LEMD1: variants seen among roughly 807,000 people sequenced by gnomAD.
The protein encoded by LEMD1 is LEM domain-containing protein 1.
Under a neutral mutation model 17.4 loss-of-function variants are expected in LEMD1, and 18 were observed. The ratio of observed to expected loss-of-function variants is 1.04; its 90% CI spans 0.72 to 1.54. The LOEUF is 1.54. Ranked by LOEUF, LEMD1 falls within the 40% of genes most tolerant of loss-of-function variation. The probability of loss-of-function intolerance (pLI) is 0.00; values close to 1 mark genes in which losing one functional copy is unlikely to be tolerated. For missense variants in LEMD1, 195 were observed against 210.4 expected (o/e 0.93, Z 0.45); for synonymous variants, 88 against 77.8 (o/e 1.13, Z -0.69).
At chr1:205,381,974 G>A (rs991003016) in intron 5 of LEMD1, 118 bp from the exon 6 acceptor site, 6 of 886,512 alleles carry the variant, frequency 6.8e-6, no homozygotes, top group Non-Finnish European at 7.3e-6. Flanking sequence ...TTTAGAGGTA[G>A]CCTCTCCTTA....
chr1:205,412,313 T>C (rs1665489109), intron 4 of LEMD1, among the ~76,000 whole-genome samples: 1 of 151,932 alleles, frequency 6.6e-6, no homozygotes, highest in Admixed American at 6.6e-5. Flanking sequence ...GTCTTTCTGA[T>C]GGAAAAAATC....
At chr1:205,423,238 T>C (rs961859637), upstream of LEMD1, among the ~76,000 whole-genome samples, 2 of 152,226 alleles carry the variant, frequency 1.3e-5, no homozygotes, top group Non-Finnish European at 2.9e-5. Flanking sequence ...CTCCACAGTT[T>C]CTGAATAGAG....
chr1:205,419,202 C>T (rs1297316616), intron 3 of LEMD1, 28 bp downstream of exon 3: 1 of 1,609,276 alleles, frequency 6.2e-7, no homozygotes, highest in East Asian at 2.2e-5. Context: ...GCAAAGTTGC[C>T]ATCTAGCAGT....
At chr1:205,437,108 T>C (rs1172664637) in intron 1 of LEMD1, 1 of 152,512 alleles carries the variant, frequency 6.6e-6, no homozygotes, top group Non-Finnish European at 1.5e-5. Context: ...AAAATGCATA[T>C]TCAGTCTGTA....
chr1:205,387,490 T>C (rs1306225109), intron 4 of LEMD1: 1 of 152,214 alleles, frequency 6.6e-6, no homozygotes, highest in Non-Finnish European at 1.5e-5. Context: ...AAAAATTCCA[T>C]TAATGCTGTT....
chr1:205,389,695 T>G (rs1489758983), intron 4 of LEMD1, among the ~76,000 whole-genome samples: 1 of 152,238 alleles, frequency 6.6e-6, no homozygotes, highest in Non-Finnish European at 1.5e-5. Flanking sequence ...AATTACTTCT[T>G]AAAGGCCTAT....
At chr1:205,411,671 A>AAAGAAAAGAAAG (rs952549403) in intron 4 of LEMD1, among the ~76,000 whole-genome samples, 11 of 146,044 alleles carry the variant, frequency 7.5e-5, no homozygotes, top group African/African-American at 1.3e-4. Context: ...AGAAAGAAAG[A>AAAGAAAAGAAAG]AAAGAAAGAA....
chr1:205,428,944 G>A (rs1666091851), intron 1 of LEMD1, among the ~76,000 whole-genome samples: 2 of 152,182 alleles, frequency 1.3e-5, no homozygotes, highest in Admixed American at 1.3e-4. Flanking sequence ...CCTTCTCTGA[G>A]ACAGGGAAGA....
In LEMD1 at chr1:205,400,970, G is replaced by C. The variant is rs556973120; in HGVS notation, c.270+15262C>G. Among the ~76,000 whole-genome samples, 298 of 150,852 alleles carry C rather than the reference G, an allele frequency of 2.0e-3. 1 individual carries two copies. Among genetic ancestry groups the C allele is most frequent in the African/African-American group, 6.8e-3 (280 of 41,070 alleles). On this transcript the variant is annotated intron_variant, in intron 4 of 5. Coordinates refer to ENST00000367153, the MANE Select transcript of LEMD1 (RefSeq NM_001199050.2). ...TGTTTGGTTTTTTGTCCTTGCGATA[G>C]TTTACTGAGAATGATGATTTCCAAT...
chr1:205,417,470 C>T (rs538046617), intron 3 of LEMD1, among the ~76,000 whole-genome samples: 1 of 152,288 alleles, frequency 6.6e-6, no homozygotes, highest in Non-Finnish European at 1.5e-5. Context: ...CATTGCTTTT[C>T]ACCAGAGTGT....
intron 4 of LEMD1, among the ~76,000 whole-genome samples, chr1:205,405,977 C>T (rs1220197637): frequency 6.6e-6 from 1 of 152,236 alleles, no homozygotes; most frequent in South Asian, 2.1e-4. Flanking sequence ...ACTCCAGACC[C>T]CGTTTGCCTG....
intron 4 of LEMD1, among the ~76,000 whole-genome samples, chr1:205,389,033 C>CTTTTTTTTTTTTTTTTTTT: frequency 1.3e-5 from 1 of 77,090 alleles, no homozygotes. Context: ...AGTACATTTG[C>CTTTTTTTTTTTTTTTTTTT]TTTCTTTTTT....
chr1:205,394,841 G>C (rs1664514133), intron 4 of LEMD1, among the ~76,000 whole-genome samples: 1 of 151,888 alleles, frequency 6.6e-6, no homozygotes, highest in Admixed American at 6.6e-5. Flanking sequence ...ACAAAAATTA[G>C]CCGGGTGTGG....
chr1:205,393,775 G>A (rs1443331043), intron 4 of LEMD1, among the ~76,000 whole-genome samples: 4 of 151,526 alleles, frequency 2.6e-5, no homozygotes, highest in South Asian at 2.1e-4. Flanking sequence ...CAGCCACTGC[G>A]GAACACAGTT....
chr1:205,396,310 C>T (rs1473387450), intron 4 of LEMD1, among the ~76,000 whole-genome samples: 6 of 152,146 alleles, frequency 3.9e-5, no homozygotes, highest in Admixed American at 3.3e-4. Context: ...CCATGCCCAG[C>T]CCCTGGAGTT....
intron 1 of LEMD1, among the ~76,000 whole-genome samples, chr1:205,428,512 G>T (rs558128758): frequency 6.6e-6 from 1 of 152,166 alleles, no homozygotes; most frequent in Non-Finnish European, 1.5e-5. Flanking sequence ...CTCCTGAAGC[G>T]TATTGTCCTA....
chr1:205,446,689 C>T (rs913726), intron 1 of LEMD1, among the ~76,000 whole-genome samples: 123,063 of 152,120 alleles, frequency 0.81, 50,652 homozygotes, highest in East Asian at 0.99. Flanking sequence ...GGGTAGGGAA[C>T]AGGATAGGCT....
intron 1 of LEMD1, among the ~76,000 whole-genome samples, chr1:205,420,793 T>C (rs1216568901): frequency 6.6e-6 from 1 of 152,220 alleles, no homozygotes; most frequent in Non-Finnish European, 1.5e-5. Context: ...CCCCAGTGTC[T>C]TTAGGGCTCA....
At chr1:205,413,004 T>C (rs12136460) in intron 4 of LEMD1, among the ~76,000 whole-genome samples, 8,559 of 152,310 alleles carry the variant, frequency 0.056, 319 homozygotes, top group Non-Finnish European at 0.085. Flanking sequence ...TAAAATATAC[T>C]TTTAGAAATT....
Sources: gnomAD v4.1 joint callset for allele counts (sites outside exome capture counted in the v4.1 genomes callset) on GRCh38, gnomAD v4.1.1 for gene constraint, MANE v1.5 for transcripts, NCBI Gene and HGNC (gene_info 2026-07-23, HGNC 2026-07-21) for gene names.